The following TEX9 variants were observed in gnomAD, a reference collection of about 807,000 sequenced individuals.
TEX9 encodes testis expressed 9, also known as testis-expressed protein 9.
Under a neutral mutation model 59.6 loss-of-function variants are expected in TEX9, and 74 were observed. The ratio of observed to expected loss-of-function variants is 1.24; its 90% CI spans 1.03 to 1.51. The LOEUF is 1.51. Among genes scored for constraint, TEX9 ranks in the 40% most tolerant of loss-of-function variants. The pLI is 0.00. For missense variants in TEX9, 522 were observed against 447.8 expected, an observed-to-expected ratio of 1.17 and a Z score of -1.49; for synonymous variants, 186 against 152.2, an observed-to-expected ratio of 1.22 and a Z score of -1.64.
At chr15:56,376,426 T>G (rs1305236533) in intron 3 of TEX9, among the ~76,000 whole-genome samples, 1 of 152,118 alleles carries the variant, frequency 6.6e-6, no homozygotes, top group Non-Finnish European at 1.5e-5. Flanking sequence ...TATTGCCTGA[T>G]TGCCTGTCTT....
upstream of TEX9, among the ~76,000 whole-genome samples, chr15:56,362,762 C>A (rs954343316): frequency 6.6e-6 from 1 of 152,124 alleles, no homozygotes; most frequent in Admixed American, 6.6e-5. Context: ...TATGGATTTG[C>A]CTATTGCGGA....
intron 9 of TEX9, among the ~76,000 whole-genome samples, 193 bp from the exon 10 acceptor site, chr15:56,412,109 T>C (rs1209739630): frequency 6.6e-6 from 1 of 152,132 alleles, no homozygotes; most frequent in African/African-American, 2.4e-5. Context: ...ATTTCTCTAA[T>C]ACCAATTTGA....
chr15:56,340,762 G>A (rs1596103237), intron 1 of TEX9, among the ~76,000 whole-genome samples: 2 of 151,934 alleles, frequency 1.3e-5, no homozygotes, highest in South Asian at 2.1e-4. Context: ...CTCCTTTATC[G>A]TGCTGTGATT....
intron 1 of TEX9, among the ~76,000 whole-genome samples, chr15:56,301,964 C>A (rs2045369483): frequency 1.3e-5 from 2 of 151,962 alleles, no homozygotes; most frequent in African/African-American, 4.8e-5. Flanking sequence ...AAGAACCAAT[C>A]AAAACGAATA....
the TEX9 span, among the ~76,000 whole-genome samples, chr15:56,454,470 C>T: frequency 6.6e-6 from 1 of 151,714 alleles, no homozygotes; most frequent in Non-Finnish European, 1.5e-5. Context: ...TTTTTTGTAC[C>T]CAGGTAAATC....
intron 1 of TEX9, among the ~76,000 whole-genome samples, chr15:56,339,404 A>AAAAAAACAAAAC: frequency 7.2e-6 from 1 of 138,690 alleles, no homozygotes; most frequent in East Asian, 2.1e-4. Flanking sequence ...AAAAAAAAAA[A>AAAAAAACAAAAC]AAAAAAAAAA....
chr15:56,436,463 AG>A (rs1331727231), intron 12 of TEX9, among the ~76,000 whole-genome samples: 4 of 152,252 alleles, frequency 2.6e-5, no homozygotes, highest in Non-Finnish European at 5.9e-5. Flanking sequence ...AGCAGTGTGT[AG>A]AGGGAAATTT....
At chr15:56,444,559 A>C (rs762183093) in intron 12 of TEX9, 1 of 1,612,900 alleles carries the variant, frequency 6.2e-7, no homozygotes, top group Admixed American at 1.7e-5. Flanking sequence ...TGTTTCTCTA[A>C]GTCAAGATAG....
At position 56,428,402 on chromosome 15, in the gene TEX9, T is replaced by TGAGGAGGAATTTATGAAA; in HGVS notation, c.1136_1153dup (p.Glu379_Lys384dup). 2.5e-6 allele frequency: 4 copies of TGAGGAGGAATTTATGAAA among 1,612,312 alleles called. No homozygotes were observed. The East Asian group carries it at 8.9e-5, about 36-fold the overall frequency. On this transcript the variant is annotated inframe_insertion, in exon 12 of 13. Coordinates refer to ENST00000352903, the Ensembl canonical transcript of TEX9. The stretch of plus-strand genomic sequence containing the variant: ...AAGCTGCCAAGATGCTATCTTTCAC[T>TGAGGAGGAATTTATGAAA]GAGGAGGAATTTATGAAAGCACTTG...
intron 10 of TEX9, chr15:56,421,561 A>G (rs1181220919): frequency 6.6e-6 from 1 of 151,444 alleles, no homozygotes; most frequent in Non-Finnish European, 1.5e-5. Flanking sequence ...GTCTTTTTCC[A>G]TTCTTTTATT....
At chr15:56,342,062 A>G (rs2046382268) in intron 1 of TEX9, among the ~76,000 whole-genome samples, 1 of 151,970 alleles carries the variant, frequency 6.6e-6, no homozygotes, top group Non-Finnish European at 1.5e-5. Context: ...AATCCCTTTG[A>G]TGAAGCCTAG....
chr15:56,261,751 G>C (rs2044275033), intron 1 of TEX9, among the ~76,000 whole-genome samples: 1 of 151,940 alleles, frequency 6.6e-6, no homozygotes, highest in Non-Finnish European at 1.5e-5. Context: ...CCAGGTCATT[G>C]AAGTAATGAG....
At chr15:56,455,417 A>G in the TEX9 span, among the ~76,000 whole-genome samples, 2 of 152,142 alleles carry the variant, frequency 1.3e-5, no homozygotes, top group African/African-American at 4.8e-5. Context: ...GTGGAGCCAG[A>G]AAAATACACA....
intron 1 of TEX9, among the ~76,000 whole-genome samples, chr15:56,339,383 C>CAAAAAAAA (rs71456382): frequency 0.029 from 900 of 30,608 alleles, 129 homozygotes; most frequent in East Asian, 0.07. Flanking sequence ...ACTCCTTCTC[C>CAAAAAAAA]AAAAAAAAAA....
chr15:56,380,301 A>G (rs1462186693), intron 3 of TEX9, among the ~76,000 whole-genome samples: 1 of 152,200 alleles, frequency 6.6e-6, no homozygotes, highest in Non-Finnish European at 1.5e-5. Flanking sequence ...GAAAACTAAT[A>G]CAAACTCTAC....
At chr15:56,420,168 G>T (rs941678591) in intron 10 of TEX9, among the ~76,000 whole-genome samples, 1 of 151,618 alleles carries the variant, frequency 6.6e-6, no homozygotes, top group East Asian at 1.9e-4. Context: ...TACTTTTTCT[G>T]ATCAGTCTTA....
chr15:56,409,747 T>C (rs1453071207), intron 9 of TEX9: 4 of 152,254 alleles, frequency 2.6e-5, no homozygotes, highest in Non-Finnish European at 4.4e-5. Context: ...TCTTCCCACA[T>C]TGGACTCCCG....
At chr15:56,250,149 A>T (rs2043980988) in intron 1 of TEX9, among the ~76,000 whole-genome samples, 1 of 152,246 alleles carries the variant, frequency 6.6e-6, no homozygotes, top group Non-Finnish European at 1.5e-5. Flanking sequence ...TTTAAAGAAT[A>T]GTGACATGTC....
intron 1 of TEX9, among the ~76,000 whole-genome samples, chr15:56,250,025 C>T (rs2682050): frequency 0.87 from 132,040 of 152,046 alleles, 57,398 homozygotes; most frequent in East Asian, 0.9. Flanking sequence ...TCTTTCAAAC[C>T]CTACTGCAGT....
Sources: gnomAD v4.1 joint callset for allele counts (sites outside exome capture counted in the v4.1 genomes callset) on GRCh38, gnomAD v4.1.1 for gene constraint, MANE v1.5 for transcripts, NCBI Gene and HGNC (gene_info 2026-07-23, HGNC 2026-07-21) for gene names.